RBMS3: variants seen among roughly 807,000 people sequenced by gnomAD.
RBMS3 encodes RNA-binding motif, single-stranded-interacting protein 3.
A neutral mutation model predicts 66.8 loss-of-function variants in RBMS3; 27 were observed. The ratio of observed to expected loss-of-function variants is 0.40; its 90% CI spans 0.30 to 0.56. The LOEUF (loss-of-function observed/expected upper bound fraction) is 0.56. Ranked by LOEUF, RBMS3 falls within the 20% of genes least tolerant of loss-of-function variation. The pLI, the probability that RBMS3 is intolerant of heterozygous loss-of-function variation, is 0.40. For synonymous variants in RBMS3, 188 were observed against 183.0 expected (o/e 1.03, Z -0.22); for missense variants, 513 against 549.5 (o/e 0.93, Z 0.66).
chr3:29,956,166 G>A (rs1696028363), intron 12 of RBMS3, among the ~76,000 whole-genome samples: 1 of 152,022 alleles, frequency 6.6e-6, no homozygotes, highest in Admixed American at 6.6e-5. Flanking sequence ...TCTGCTTCAC[G>A]ACTCTTCTTT....
At chr3:29,638,116 C>A (rs936724564) in intron 4 of RBMS3, among the ~76,000 whole-genome samples, 2 of 151,794 alleles carry the variant, frequency 1.3e-5, no homozygotes, top group African/African-American at 2.4e-5. Context: ...GAAATATGTT[C>A]TTGGAAAGCA....
chr3:29,505,246 T>C (rs1319916380), intron 3 of RBMS3, among the ~76,000 whole-genome samples: 3 of 151,446 alleles, frequency 2.0e-5, no homozygotes. Context: ...TAGTATGAAA[T>C]AAAGGTCTAA....
chr3:29,845,128 C>T (rs1286366703), intron 6 of RBMS3, among the ~76,000 whole-genome samples: 1 of 152,190 alleles, frequency 6.6e-6, no homozygotes, highest in Non-Finnish European at 1.5e-5. Context: ...AGACTGGGAA[C>T]ATGGATATTG....
In RBMS3 at chr3:29,485,114, G is replaced by T. The variant is rs116815367; in HGVS notation, c.249-3327G>T. ...TTTCTCTTCAGCTTTGAAAATAAAA[G>T]ATGCCATTAGTTTAAATTAGGCTTG... On this transcript the variant is annotated intron_variant, in intron 2 of 14. Coordinates refer to ENST00000383767, the MANE Select transcript of RBMS3 (RefSeq NM_001003793.3). 8.1e-3 allele frequency among the ~76,000 whole-genome samples: 1,239 copies of T among 152,252 alleles called. 10 individuals are homozygous for T. Among genetic ancestry groups the T allele is most frequent in the Non-Finnish European group, 0.013 (857 of 67,996 alleles).
intron 1 of RBMS3, among the ~76,000 whole-genome samples, chr3:29,397,828 T>C (rs1475545787): frequency 1.3e-5 from 2 of 152,064 alleles, no homozygotes; most frequent in Admixed American, 6.6e-5. Flanking sequence ...GAACTATAGA[T>C]GCATGTCACT....
chr3:29,552,187 G>A (rs767955625), intron 3 of RBMS3, among the ~76,000 whole-genome samples: 4 of 152,120 alleles, frequency 2.6e-5, no homozygotes, highest in East Asian at 1.9e-4. Flanking sequence ...GCTGAAGTTC[G>A]TTGGCAAATC....
intron 1 of RBMS3, among the ~76,000 whole-genome samples, chr3:29,331,328 C>G (rs2035640842): frequency 6.6e-6 from 1 of 152,106 alleles, no homozygotes; most frequent in African/African-American, 2.4e-5. Flanking sequence ...TCCACGTCCT[C>G]CCTGGTGTTT....
intron 6 of RBMS3, among the ~76,000 whole-genome samples, chr3:29,822,543 C>G (rs1336801368): frequency 1.3e-5 from 2 of 152,076 alleles, no homozygotes; most frequent in African/African-American, 4.8e-5. Context: ...ATTATTTTGG[C>G]TTTCGATTGA....
Position 29,353,310 on chromosome 3 carries a change from G to A in RBMS3, c.75+71554G>A, listed in dbSNP as rs1559510088. On this transcript the variant is annotated intron_variant, in intron 1 of 14. Coordinates refer to ENST00000383767, the MANE Select transcript of RBMS3 (RefSeq NM_001003793.3). The stretch of plus-strand genomic sequence containing the variant: ...TATTTCCCCATTAAATGTGATGGTG[G>A]CATTTGACTTTGTGTGTATTGGTAC... Among the ~76,000 whole-genome samples the A allele has an allele frequency of 4.0e-5, 6 of 151,776 alleles. No homozygotes were observed. The South Asian group carries it at 1.0e-3, about 26-fold the overall frequency.
At chr3:29,555,512 G>A (rs917487187) in intron 3 of RBMS3, among the ~76,000 whole-genome samples, 1 of 152,076 alleles carries the variant, frequency 6.6e-6, no homozygotes, top group African/African-American at 2.4e-5. Flanking sequence ...GAAGGAATTA[G>A]AATACTTTGA....
chr3:29,285,061 G>T (rs1179382275), intron 1 of RBMS3, among the ~76,000 whole-genome samples: 1 of 150,342 alleles, frequency 6.7e-6, no homozygotes, highest in Non-Finnish European at 1.5e-5. Context: ...GAGAAAAAGG[G>T]CTCAAAAAAT....
In RBMS3 at chr3:29,575,717, G is replaced by A. The variant is rs2047096985; in HGVS notation, c.308-11397G>A. Among the ~76,000 whole-genome samples, 7 of 151,956 alleles carry A rather than the reference G, an allele frequency of 4.6e-5. No homozygotes were observed. The South Asian group carries it at 1.2e-3, about 27-fold the overall frequency. ...CTACTCTTTTTTGTCCCCTCTGATT[G>A]TGTGTTTTCAAATAGGCTTTCTTCA... On this transcript the variant is annotated intron_variant, in intron 3 of 14. Transcript: ENST00000383767.
rs148691765 is a variant in RBMS3 at position 29,962,551 on chromosome 3, C to CATATATATATAT, written c.1098+18303_1098+18314dup. 5.9e-5 allele frequency among the ~76,000 whole-genome samples: 8 copies of CATATATATATAT among 135,264 alleles called. 1 individual carries two copies. Among genetic ancestry groups the CATATATATATAT allele is most frequent in the South Asian group, 2.5e-4 (1 of 3,980 alleles). 88.7% of individuals were successfully genotyped at this position (135,264 alleles called of 152,430 possible). A position where few individuals can be genotyped will look rare whatever the true frequency, so the allele number is the denominator to read the frequency against. On this transcript the variant is annotated intron_variant, in intron 12 of 14. Transcript: ENST00000383767. ...TCTGTTTTTAATATGGGTCAAGACT[C>CATATATATATAT]ATATATATATATATATAATACCATA...
At chr3:29,623,703 A>G (rs2048959477) in intron 4 of RBMS3, among the ~76,000 whole-genome samples, 1 of 152,198 alleles carries the variant, frequency 6.6e-6, no homozygotes, top group Non-Finnish European at 1.5e-5. Context: ...TTGAAAGTGT[A>G]TGAATTGTGC....
chr3:29,542,512 C>T (rs528951643), intron 3 of RBMS3, among the ~76,000 whole-genome samples: 6 of 152,142 alleles, frequency 3.9e-5, no homozygotes, highest in Non-Finnish European at 7.3e-5. Flanking sequence ...AAGCACTTGC[C>T]GTCACACCTG....
chr3:29,558,461 G>A (rs1324814828), intron 3 of RBMS3, among the ~76,000 whole-genome samples: 2 of 152,138 alleles, frequency 1.3e-5, no homozygotes. Flanking sequence ...AGATTGAGAT[G>A]CATTCAGAAA....
At chr3:29,376,099 C>T (rs1002911146) in intron 1 of RBMS3, among the ~76,000 whole-genome samples, 1 of 149,840 alleles carries the variant, frequency 6.7e-6, no homozygotes, top group Non-Finnish European at 1.5e-5. Flanking sequence ...AACAGAAAAC[C>T]AAGTGCCATG....
intron 14 of RBMS3, among the ~76,000 whole-genome samples, chr3:29,997,180 A>C (rs932954549): frequency 3.9e-5 from 6 of 152,124 alleles, no homozygotes; most frequent in Non-Finnish European, 5.9e-5. Flanking sequence ...GAAATGGATA[A>C]ATTCCTGGAC....
intron 1 of RBMS3, among the ~76,000 whole-genome samples, chr3:29,396,978 TTTA>T (rs1001025883): frequency 7.9e-5 from 12 of 152,314 alleles, no homozygotes; most frequent in Admixed American, 2.6e-4. Context: ...ATTTTCATTT[TTTA>T]TTATTTATTA....
Sources: gnomAD v4.1 joint callset for allele counts (sites outside exome capture counted in the v4.1 genomes callset) on GRCh38, gnomAD v4.1.1 for gene constraint, MANE v1.5 for transcripts, NCBI Gene and HGNC (gene_info 2026-07-23, HGNC 2026-07-21) for gene names.